Variants in OXSR1 observed in about 807,000 individuals in gnomAD.
OXSR1 encodes the protein serine/threonine-protein kinase OSR1.
OXSR1 carries 24 observed loss-of-function variants against 79.8 expected under a neutral mutation model. That is an observed-to-expected ratio of 0.30 (90% CI 0.22 to 0.42). OXSR1 has a LOEUF of 0.42. Ranked by LOEUF, OXSR1 falls within the 10% of genes least tolerant of loss-of-function variation. OXSR1 has a pLI of 1.00. For missense variants in OXSR1, 430 were observed against 618.4 expected (o/e 0.70, Z 3.23); for synonymous variants, 226 against 209.2 (o/e 1.08, Z -0.69).
chr3:38,193,420 T>C (rs1396241500), intron 3 of OXSR1: 5 of 1,280,718 alleles, frequency 3.9e-6, no homozygotes, highest in Non-Finnish European at 5.1e-6. Context: ...GAGTATTAGG[T>C]AATACTGTAT....
chr3:38,226,271 G>A (rs1307880026), intron 8 of OXSR1, among the ~76,000 whole-genome samples: 2 of 151,826 alleles, frequency 1.3e-5, no homozygotes, highest in Non-Finnish European at 2.9e-5. Context: ...ACAAGCAGAA[G>A]GATTAGTGCT....
At chr3:38,202,502 C>T (rs532118814) in intron 4 of OXSR1, among the ~76,000 whole-genome samples, 4 of 152,258 alleles carry the variant, frequency 2.6e-5, no homozygotes, top group African/African-American at 9.6e-5. Flanking sequence ...GCCCAAGCCT[C>T]TCTAGTAGCT....
At chr3:38,216,186 G>T in intron 5 of OXSR1, 35 bp downstream of exon 5, 2 of 1,277,172 alleles carry the variant, frequency 1.6e-6, no homozygotes, top group South Asian at 2.5e-5. Context: ...TTGATTTAAT[G>T]GTCAGTAGAA....
chr3:38,231,358 G>A (rs1312303669), intron 10 of OXSR1, among the ~76,000 whole-genome samples: 2 of 151,744 alleles, frequency 1.3e-5, no homozygotes, highest in African/African-American at 4.8e-5. Context: ...AAAGAAACAT[G>A]GACAATGTCA....
intron 3 of OXSR1, among the ~76,000 whole-genome samples, chr3:38,197,815 T>C (rs1474920566): frequency 2.0e-5 from 3 of 152,236 alleles, no homozygotes; most frequent in Non-Finnish European, 2.9e-5. Flanking sequence ...TTAAGATAAC[T>C]ATGTAAGCAG....
chr3:38,174,363 C>T (rs906413279), intron 1 of OXSR1, among the ~76,000 whole-genome samples: 2 of 152,146 alleles, frequency 1.3e-5, no homozygotes, highest in Non-Finnish European at 2.9e-5. Flanking sequence ...AGGTGGATCA[C>T]ATGAGGCCAG....
At chr3:38,210,458 C>T (rs1702362843) in intron 4 of OXSR1, among the ~76,000 whole-genome samples, 1 of 152,000 alleles carries the variant, frequency 6.6e-6, no homozygotes, top group Non-Finnish European at 1.5e-5. Flanking sequence ...CTTTTTTCTT[C>T]CTCCTGTGGG....
At chr3:38,251,928 T>A (rs1282840324) in intron 16 of OXSR1, among the ~76,000 whole-genome samples, 2 of 152,206 alleles carry the variant, frequency 1.3e-5, no homozygotes, top group Non-Finnish European at 2.9e-5. Context: ...AAAAACCAGA[T>A]AATAAATAGT....
chr3:38,166,088 C>G, intron 1 of OXSR1, 142 bp downstream of exon 1: 1 of 730,858 alleles, frequency 1.4e-6, no homozygotes, highest in Non-Finnish European at 2.3e-6. Flanking sequence ...TTGTAGGACG[C>G]TTGTGTCGAG....
rs1157288291 is a variant in OXSR1, at chr3:38,254,482, T to G, written c.*1591T>G. 3 of 377,142 alleles carry G rather than the reference T, an allele frequency of 8.0e-6. No individual in the cohort carries two copies. The highest frequency in any genetic ancestry group is 1.4e-5 in the Non-Finnish European group (3 of 212,702). 23.4% of individuals were successfully genotyped at this position (377,142 alleles called of 1,614,324 possible). A position where few individuals can be genotyped will look rare whatever the true frequency, so the allele number is the denominator to read the frequency against. On this transcript the variant is annotated 3_prime_UTR_variant, in exon 18 of 18. Coordinates refer to ENST00000311806, the MANE Select transcript of OXSR1 (RefSeq NM_005109.3). ...GTTAGGAGGAGAGTAGGTGAGATGA[T>G]CAGACACCGGAGTTCAACGTCCCAG...
At chr3:38,223,791 T>A (rs1702636255) in intron 6 of OXSR1, 21 bp from the exon 7 acceptor site, 5 of 1,547,526 alleles carry the variant, frequency 3.2e-6, no homozygotes, top group Non-Finnish European at 4.5e-6. Flanking sequence ...GTAAAAATAA[T>A]CATGCAAATC....
intron 10 of OXSR1, among the ~76,000 whole-genome samples, chr3:38,234,835 C>T (rs1702886747): frequency 6.6e-6 from 1 of 152,260 alleles, no homozygotes. Context: ...AAACAACCCA[C>T]ATGCTCATCA....
At position 38,251,403 on chromosome 3, in the gene OXSR1, A is replaced by G; in HGVS notation, c.1376A>G (p.Asp459Gly). The change falls in exon 16 of 18, where the codon GAT becomes GGT. Residue 459 changes from aspartate to glycine, a missense_variant and splice_region_variant. By Grantham distance (94) the Asp-to-Gly change is moderately conservative. Coordinates refer to ENST00000311806, the MANE Select transcript of OXSR1 (RefSeq NM_005109.3). ...DIRFEFTPGR[D>G]TAEGVSQELI... is the part of the protein sequence containing the mutation. ...AGCACTGTCTTCTTTGTCCTTGCAG[A>G]TACAGCAGAGGGTGTCTCTCAGGAA... is the stretch of plus-strand genomic sequence containing the variant. 1 of 1,613,090 alleles carries G rather than the reference A, an allele frequency of 6.2e-7. No individual in the cohort carries two copies. The highest frequency in any genetic ancestry group is 8.5e-7 in the Non-Finnish European group (1 of 1,179,172).
Position 38,221,520 on chromosome 3 carries a change from C to A in OXSR1, c.491-58C>A, listed in dbSNP as rs538989523. ...ATGTTCACTACATTGTATTGTTTTC[C>A]TATTCATTTATGATAGTTGATGCAC... On this transcript the variant is annotated intron_variant, in intron 5 of 17. Coordinates refer to ENST00000311806, the MANE Select transcript of OXSR1 (RefSeq NM_005109.3). The A allele has an allele frequency of 6.1e-5, 54 of 879,100 alleles. No individual in the cohort carries two copies. In the East Asian group the frequency reaches 6.4e-4, roughly 10 times the overall value. The allele number at this position is 879,100 out of a possible 1,614,324, so 54.5% of individuals were successfully genotyped here.
chr3:38,168,344 G>A (rs552411201), intron 1 of OXSR1, among the ~76,000 whole-genome samples: 2 of 152,092 alleles, frequency 1.3e-5, no homozygotes, highest in Non-Finnish European at 2.9e-5. Flanking sequence ...GCTTTCTTAC[G>A]AGTTAATCCC....
rs748851263 is a variant in OXSR1 at position 38,244,666 on chromosome 3, T to TGTGTGTGTGTGTGCGCGC, written c.1111-1408_1111-1407insTGTGTGTGTGTGCGCGCG. 6.3e-4 allele frequency among the ~76,000 whole-genome samples: 91 copies of TGTGTGTGTGTGTGCGCGC among 144,060 alleles called. 1 individual carries two copies. The highest frequency in any genetic ancestry group is 3.7e-3 in the Middle Eastern group (1 of 268). The allele number at this position is 144,060 out of a possible 152,430, so 94.5% of individuals were successfully genotyped here. ...GTGTGTGTGTGTGTGTGTGTGTGTGTGCGTGCGCATGTACCACATTTTATT... is the reference window on the plus strand; with the variant it reads ...GTGTGTGTGTGTGTGTGTGTGTGTGTGTGTGTGTGTGTGCGCGCGCGTGCGCATGTACCACATTTTATT... On this transcript the variant is annotated intron_variant, in intron 12 of 17. Coordinates refer to ENST00000311806, the MANE Select transcript of OXSR1 (RefSeq NM_005109.3).
At chr3:38,233,174 A>T (rs1702846254) in intron 10 of OXSR1, among the ~76,000 whole-genome samples, 1 of 152,268 alleles carries the variant, frequency 6.6e-6, no homozygotes, top group South Asian at 2.1e-4. Context: ...ACAGTTAAAC[A>T]TGGGAATAAC....
chr3:38,248,022 C>G (rs1301306902), intron 14 of OXSR1, among the ~76,000 whole-genome samples: 1 of 152,022 alleles, frequency 6.6e-6, no homozygotes, highest in Non-Finnish European at 1.5e-5. Context: ...GGAGGTGTAG[C>G]CTGTAATTGA....
At chr3:38,168,198 C>T (rs1004523502) in intron 1 of OXSR1, among the ~76,000 whole-genome samples, 11 of 152,190 alleles carry the variant, frequency 7.2e-5, no homozygotes, top group Non-Finnish European at 1.2e-4. Flanking sequence ...AACAACTTTA[C>T]TGAGGTATAA....
Sources: gnomAD v4.1 joint callset for allele counts (sites outside exome capture counted in the v4.1 genomes callset) on GRCh38, gnomAD v4.1.1 for gene constraint, MANE v1.5 for transcripts, NCBI Gene and HGNC (gene_info 2026-07-23, HGNC 2026-07-21) for gene names.